NAALAD2: variants seen among roughly 807,000 people sequenced by gnomAD.
NAALAD2 encodes the protein N-acetylated alpha-linked acidic dipeptidase 2.
NAALAD2 carries 89 observed loss-of-function variants against 95.6 expected under a neutral mutation model. That is an observed-to-expected ratio of 0.93 (90% CI 0.78 to 1.11). The LOEUF is 1.11. Ranked by LOEUF, NAALAD2 falls within the 50% of genes least tolerant of loss-of-function variation. The probability of loss-of-function intolerance (pLI) is 0.00; values close to 1 mark genes in which losing one functional copy is unlikely to be tolerated. For missense variants in NAALAD2, 894 were observed against 872.4 expected, an observed-to-expected ratio of 1.02 and a Z score of -0.31; for synonymous variants, 264 against 294.4, an observed-to-expected ratio of 0.90 and a Z score of 1.06.
intron 18 of NAALAD2, among the ~76,000 whole-genome samples, chr11:90,183,686 A>C (rs763856872): frequency 5.9e-5 from 9 of 152,140 alleles, no homozygotes; most frequent in Admixed American, 2.0e-4. Flanking sequence ...GTATTCAATA[A>C]ATTACATGAG....
chr11:90,182,935 A>C lies in NAALAD2; in HGVS notation c.1960A>C (p.Met654Leu), dbSNP rs1738301664. 1 of 1,611,370 alleles carries C rather than the reference A, an allele frequency of 6.2e-7. No homozygotes were observed. Among genetic ancestry groups the C allele is most frequent in the African/African-American group, 1.3e-5 (1 of 74,866 alleles). ...DLNNPIAVRM[M>L]NDQLMLLERA... ...TCGAAGTCCCATTGCAGTGAGAATG[A>C]TGAATGACCAACTGATGCTCCTGGA... The change falls in exon 18 of 19, where the codon ATG becomes CTG. Residue 654 changes from methionine to leucine, a missense_variant. Transcript: ENST00000534061.
At chr11:90,177,593 T>TTTG in intron 15 of NAALAD2, among the ~76,000 whole-genome samples, 1 of 44,598 alleles carries the variant, frequency 2.2e-5, no homozygotes. Context: ...CTTGTTTTTT[T>TTTG]TTTTTTTTTT....
intron 6 of NAALAD2, among the ~76,000 whole-genome samples, chr11:90,155,565 A>G (rs1479389062): frequency 1.1e-5 from 1 of 87,596 alleles, no homozygotes; most frequent in Non-Finnish European, 2.0e-5. Flanking sequence ...TGTGTAATAT[A>G]TAATATATAA....
intron 7 of NAALAD2, 107 bp downstream of exon 7, chr11:90,158,345 CTAAA>C (rs749489757): frequency 3.4e-5 from 26 of 759,914 alleles, no homozygotes; most frequent in Non-Finnish European, 5.4e-5. Context: ...AGTTTTATAA[CTAAA>C]TAACTCCTGA....
In NAALAD2 at chr11:90,147,443, A is replaced by G; in HGVS notation, c.308A>G (p.Tyr103Cys). 1.9e-6 allele frequency: 3 copies of G among 1,614,052 alleles called. No individual in the cohort carries two copies. The highest frequency in any genetic ancestry group is 2.5e-6 in the Non-Finnish European group (3 of 1,179,962). ...CTAGATTCAGCCAAGTTGGTTCATT[A>G]TGATGTCCTCTTATCTTACCCCAAT... ...FGLDSAKLVH[Y>C]DVLLSYPNET... Residue 103 changes from tyrosine (Y) to cysteine (C), a missense_variant, in exon 3 of 19, where the codon TAT becomes TGT. Physicochemically the swap from Tyr to Cys is radical, Grantham distance 194. Coordinates refer to ENST00000534061, the MANE Select transcript of NAALAD2 (RefSeq NM_005467.4).
chr11:90,139,564 T>G (rs1951550923), intron 2 of NAALAD2, among the ~76,000 whole-genome samples: 1 of 152,178 alleles, frequency 6.6e-6, no homozygotes, highest in Non-Finnish European at 1.5e-5. Flanking sequence ...CAGAAGCTGC[T>G]CCTCCTCTTA....
At chr11:90,147,086 T>C (rs1394306428) in intron 2 of NAALAD2, among the ~76,000 whole-genome samples, 2 of 152,230 alleles carry the variant, frequency 1.3e-5, no homozygotes, top group Non-Finnish European at 2.9e-5. Flanking sequence ...GAGCCTTTGC[T>C]GATTGTATCT....
At chr11:90,174,403 G>A (rs1350942425) in intron 14 of NAALAD2, among the ~76,000 whole-genome samples, 7 of 151,750 alleles carry the variant, frequency 4.6e-5, no homozygotes, top group Non-Finnish European at 8.8e-5. Flanking sequence ...AAGTCTTTCA[G>A]TCTATGTTAG....
At chr11:90,142,327 G>T (rs906263663) in intron 2 of NAALAD2, among the ~76,000 whole-genome samples, 2 of 152,056 alleles carry the variant, frequency 1.3e-5, no homozygotes, top group Non-Finnish European at 2.9e-5. Flanking sequence ...TATGTATTCT[G>T]AGGCTCATTC....
At chr11:90,186,030 AATTT>A (rs951757360) in intron 18 of NAALAD2, among the ~76,000 whole-genome samples, 5 of 151,330 alleles carry the variant, frequency 3.3e-5, no homozygotes, top group East Asian at 3.9e-4. Context: ...TTTTTTTTTA[AATTT>A]ATTTATTATA....
At chr11:90,167,103 C>A (rs867447573) in intron 11 of NAALAD2, among the ~76,000 whole-genome samples, 2 of 152,348 alleles carry the variant, frequency 1.3e-5, no homozygotes, top group Non-Finnish European at 2.9e-5. Flanking sequence ...CTTGAGGAGC[C>A]CTTCAGCCCG....
upstream of NAALAD2, among the ~76,000 whole-genome samples, chr11:90,132,542 A>C (rs1191794780): frequency 2.0e-5 from 3 of 152,138 alleles, no homozygotes; most frequent in Admixed American, 1.3e-4. Flanking sequence ...CAATACCCAA[A>C]ATGTTTATAT....
At chr11:90,138,974 A>G (rs2134824579) in intron 2 of NAALAD2, among the ~76,000 whole-genome samples, 1 of 152,024 alleles carries the variant, frequency 6.6e-6, no homozygotes, top group Admixed American at 6.6e-5. Context: ...CTTCCGTAGT[A>G]TTGACAGTCC....
chr11:90,185,371 C>T (rs1208309412), intron 18 of NAALAD2, among the ~76,000 whole-genome samples: 1 of 151,440 alleles, frequency 6.6e-6, no homozygotes, highest in East Asian at 1.9e-4. Context: ...TTATTTTTTT[C>T]CTTAAGAATG....
At chr11:90,155,191 T>C (rs1952025287) in intron 6 of NAALAD2, among the ~76,000 whole-genome samples, 1 of 128,616 alleles carries the variant, frequency 7.8e-6, no homozygotes, top group Non-Finnish European at 1.5e-5. Flanking sequence ...AATATGTATA[T>C]ATGTGTGTAT....
At chr11:90,181,312 G>A (rs911946506) in intron 16 of NAALAD2, among the ~76,000 whole-genome samples, 1 of 151,916 alleles carries the variant, frequency 6.6e-6, no homozygotes, top group Non-Finnish European at 1.5e-5. Flanking sequence ...TACAGTTGTT[G>A]TCCCAATGAA....
In NAALAD2 at chr11:90,176,471, C is replaced by T. The variant is rs577477438; in HGVS notation, c.1593+409C>T. Among the ~76,000 whole-genome samples, 392 of 152,204 alleles carry T rather than the reference C, an allele frequency of 2.6e-3. 6 individuals are homozygous for T. Among genetic ancestry groups the T allele is most frequent in the Non-Finnish European group, 2.5e-3 (171 of 68,012 alleles). On this transcript the variant is annotated intron_variant, in intron 15 of 18. Coordinates refer to ENST00000534061, the MANE Select transcript of NAALAD2 (RefSeq NM_005467.4). ...GCATTAGGGTAAGATTCATTATTGT[C>T]GGTAGCTCCTCTTCATATTGCCACT...
intron 1 of NAALAD2, 158 bp downstream of exon 1, chr11:90,134,998 C>A: frequency 1.5e-6 from 1 of 683,628 alleles, no homozygotes. Flanking sequence ...AAACTAGAAA[C>A]CAGATGGAAT....
At chr11:90,135,054 T>G (rs1243092418) in intron 1 of NAALAD2, 2 of 541,628 alleles carry the variant, frequency 3.7e-6, no homozygotes, top group African/African-American at 1.9e-5. Context: ...AAATTCAAAT[T>G]TATTAAATGT....
Sources: gnomAD v4.1 joint callset for allele counts (sites outside exome capture counted in the v4.1 genomes callset) on GRCh38, gnomAD v4.1.1 for gene constraint, MANE v1.5 for transcripts, NCBI Gene and HGNC (gene_info 2026-07-23, HGNC 2026-07-21) for gene names.